LGSN: variants seen among roughly 807,000 people sequenced by gnomAD.
The protein encoded by LGSN is lengsin.
A neutral mutation model predicts 19.5 loss-of-function variants in LGSN; 21 were observed. The observed-to-expected ratio is 1.07, with a 90% CI of 0.76 to 1.55. The LOEUF is 1.55. Ranked by LOEUF, LGSN falls within the 40% of genes most tolerant of loss-of-function variation. The pLI is 0.00. For synonymous variants in LGSN, 257 were observed against 215.6 expected (o/e 1.19, Z -1.68); for missense variants, 673 against 608.5 (o/e 1.11, Z -1.12).
chr6:63,522,387 C>T, the LGSN span, among the ~76,000 whole-genome samples: 1 of 152,134 alleles, frequency 6.6e-6, no homozygotes, highest in African/African-American at 2.4e-5. Context: ...AGAAGATAAA[C>T]AATAAATAAG....
the LGSN span, among the ~76,000 whole-genome samples, chr6:63,406,089 C>T: frequency 1.8e-4 from 27 of 152,248 alleles, no homozygotes; most frequent in Admixed American, 1.7e-3. Flanking sequence ...GAGACTTTAA[C>T]ACCCCACTGT....
the LGSN span, among the ~76,000 whole-genome samples, chr6:63,378,698 A>G: frequency 6.6e-6 from 1 of 152,084 alleles, no homozygotes; most frequent in East Asian, 1.9e-4. Flanking sequence ...CTTTTTGAAT[A>G]ACCAACTCTT....
At chr6:63,432,179 G>GAAAAGAAAAGA in the LGSN span, among the ~76,000 whole-genome samples, 12 of 113,552 alleles carry the variant, frequency 1.1e-4, no homozygotes, top group Admixed American at 5.9e-4. Flanking sequence ...GAAAAGGAAA[G>GAAAAGAAAAGA]AAAGAAAAGA....
At chr6:63,541,374 G>A in the LGSN span, among the ~76,000 whole-genome samples, 23 of 151,838 alleles carry the variant, frequency 1.5e-4, no homozygotes, top group Non-Finnish European at 2.9e-4. Context: ...CCAACATAGT[G>A]AAACCCCTCT....
chr6:63,298,314 A>AT (rs1288193984), intron 1 of LGSN, among the ~76,000 whole-genome samples: 1 of 152,140 alleles, frequency 6.6e-6, no homozygotes. Flanking sequence ...GTATGGGCAC[A>AT]TTTTTTATCT....
At chr6:63,565,398 TG>T in the LGSN span, among the ~76,000 whole-genome samples, 1 of 152,086 alleles carries the variant, frequency 6.6e-6, no homozygotes, top group African/African-American at 2.4e-5. Context: ...GGACAGAGAA[TG>T]GGCATAATAG....
At chr6:63,305,934 T>C (rs1048538992) in intron 1 of LGSN, among the ~76,000 whole-genome samples, 3 of 151,814 alleles carry the variant, frequency 2.0e-5, no homozygotes, top group Non-Finnish European at 4.4e-5. Flanking sequence ...TGATGGCTAA[T>C]TTGGTGTCTG....
At chr6:63,365,923 T>C in the LGSN span, among the ~76,000 whole-genome samples, 2 of 152,202 alleles carry the variant, frequency 1.3e-5, no homozygotes, top group East Asian at 1.9e-4. Flanking sequence ...AAACTAAGTA[T>C]TGATGGGATG....
At chr6:63,433,411 CTAAAGTCTCCCAACTAA>C in the LGSN span, among the ~76,000 whole-genome samples, 6 of 152,284 alleles carry the variant, frequency 3.9e-5, no homozygotes, top group East Asian at 1.2e-3. Flanking sequence ...ACCAAGTTGC[CTAAAGTCTCCCAACTAA>C]TAAATAGCAG....
chr6:63,494,945 T>C, the LGSN span, among the ~76,000 whole-genome samples: 2 of 152,348 alleles, frequency 1.3e-5, no homozygotes, highest in Admixed American at 6.5e-5. Context: ...TTAATTCCTA[T>C]ATTTATAAGT....
the LGSN span, among the ~76,000 whole-genome samples, chr6:63,562,549 A>G: frequency 6.6e-6 from 1 of 152,200 alleles, no homozygotes; most frequent in Non-Finnish European, 1.5e-5. Context: ...ACTTCAAGTG[A>G]TATCACCCAC....
the LGSN span, among the ~76,000 whole-genome samples, chr6:63,448,673 G>A: frequency 3.0e-5 from 4 of 133,604 alleles, no homozygotes; most frequent in African/African-American, 1.1e-4. Flanking sequence ...TTTTGTTATT[G>A]TTGTTTTTGT....
chr6:63,388,573 T>A, the LGSN span, among the ~76,000 whole-genome samples: 1 of 152,060 alleles, frequency 6.6e-6, no homozygotes, highest in Non-Finnish European at 1.5e-5. Flanking sequence ...AGACGGCCAT[T>A]GACAAGCCAA....
chr6:63,332,573 G>A, the LGSN span, among the ~76,000 whole-genome samples: 2 of 152,170 alleles, frequency 1.3e-5, no homozygotes, highest in African/African-American at 2.4e-5. Flanking sequence ...ACTCCAAAGA[G>A]TTGGGGGTTG....
At chr6:63,390,875 AAAG>A in the LGSN span, among the ~76,000 whole-genome samples, 10 of 148,922 alleles carry the variant, frequency 6.7e-5, 1 homozygote, top group African/African-American at 2.3e-4. Flanking sequence ...AAAAAAAAAA[AAAG>A]AAAAGAAAAT....
the LGSN span, among the ~76,000 whole-genome samples, chr6:63,331,068 C>T: frequency 2.6e-5 from 4 of 152,092 alleles, no homozygotes; most frequent in Admixed American, 6.5e-5. Flanking sequence ...GGGACATAAC[C>T]GATAGCCCGG....
chr6:63,523,569 A>G, the LGSN span, among the ~76,000 whole-genome samples: 2 of 152,236 alleles, frequency 1.3e-5, no homozygotes, highest in Non-Finnish European at 2.9e-5. Context: ...AAGTTATTGC[A>G]GAAAAATAAA....
chr6:63,281,277 G>A, intron 3 of LGSN, 57 bp from the exon 4 acceptor site: 4 of 1,265,024 alleles, frequency 3.2e-6, no homozygotes, highest in East Asian at 2.9e-5. Flanking sequence ...AAGGGTCGGG[G>A]GGCGGCGGGA....
At chr6:63,564,561 T>C in the LGSN span, among the ~76,000 whole-genome samples, 1 of 152,240 alleles carries the variant, frequency 6.6e-6, no homozygotes, top group East Asian at 1.9e-4. Flanking sequence ...GTCTGGATTA[T>C]CTGCAGCCTA....
Sources: gnomAD v4.1 joint callset for allele counts (sites outside exome capture counted in the v4.1 genomes callset) on GRCh38, gnomAD v4.1.1 for gene constraint, MANE v1.5 for transcripts, NCBI Gene and HGNC (gene_info 2026-07-23, HGNC 2026-07-21) for gene names.